NDUFAF6: variants seen among roughly 807,000 people sequenced by gnomAD.
NDUFAF6 encodes NADH:ubiquinone oxidoreductase complex assembly factor 6, also known as NADH dehydrogenase (ubiquinone) complex I, assembly factor 6.
NDUFAF6 carries 45 observed loss-of-function variants against 40.8 expected under a neutral mutation model. That is an observed-to-expected ratio of 1.10 (90% CI 0.87 to 1.42). NDUFAF6 has a LOEUF of 1.42. Ranked by LOEUF, NDUFAF6 falls within the 40% of genes most tolerant of loss-of-function variation. The pLI is 0.00. For missense variants in NDUFAF6, 435 were observed against 418.5 expected, an observed-to-expected ratio of 1.04 and a Z score of -0.34; for synonymous variants, 185 against 155.9, an observed-to-expected ratio of 1.19 and a Z score of -1.39.
chr8:94,912,681 C>T (rs77457596), intron 1 of NDUFAF6, among the ~76,000 whole-genome samples: 1 of 151,642 alleles, frequency 6.6e-6, no homozygotes, highest in Admixed American at 6.6e-5. Context: ...GGCGTGGTGG[C>T]GGGCACCTGT....
chr8:95,038,350 A>C (rs79218562), intron 3 of NDUFAF6, among the ~76,000 whole-genome samples: 109 of 152,154 alleles, frequency 7.2e-4, no homozygotes, highest in African/African-American at 2.6e-3. Flanking sequence ...ATCCTAACCA[A>C]AAAAATTTAG....
downstream of NDUFAF6, among the ~76,000 whole-genome samples, chr8:95,107,984 T>C (rs1305657172): frequency 6.6e-6 from 1 of 152,162 alleles, no homozygotes; most frequent in African/African-American, 2.4e-5. Flanking sequence ...ACCCAAATGA[T>C]CTTGGAAACA....
intron 1 of NDUFAF6, among the ~76,000 whole-genome samples, chr8:94,931,891 G>T (rs1189193130): frequency 6.6e-6 from 1 of 152,112 alleles, no homozygotes; most frequent in Non-Finnish European, 1.5e-5. Context: ...AGAATCACTT[G>T]AATCTGGGGG....
chr8:95,115,994 C>G (rs1254277249), intron 5 of NDUFAF6, among the ~76,000 whole-genome samples: 1 of 152,018 alleles, frequency 6.6e-6, no homozygotes, highest in Non-Finnish European at 1.5e-5. Context: ...ACAAATTAGC[C>G]GGGGGTGGTG....
At chr8:94,910,416 G>T (rs949162125) in intron 1 of NDUFAF6, among the ~76,000 whole-genome samples, 1 of 152,144 alleles carries the variant, frequency 6.6e-6, no homozygotes, top group African/African-American at 2.4e-5. Context: ...GCCTCCCAAA[G>T]TGCTGGGATT....
intron 2 of NDUFAF6, among the ~76,000 whole-genome samples, chr8:95,002,822 A>T (rs1166916383): frequency 1.3e-5 from 2 of 152,222 alleles, no homozygotes; most frequent in African/African-American, 4.8e-5. Flanking sequence ...ACAATTGACA[A>T]GTCCAGGAGG....
At chr8:95,033,888 A>C in intron 2 of NDUFAF6, 2 of 391,896 alleles carry the variant, frequency 5.1e-6, no homozygotes, top group Non-Finnish European at 1.0e-5. Context: ...AGTTAGGGGC[A>C]CCTGGGTCAG....
intron 1 of NDUFAF6, among the ~76,000 whole-genome samples, chr8:94,932,790 G>A (rs1261747188): frequency 3.9e-5 from 6 of 151,978 alleles, no homozygotes; most frequent in Admixed American, 6.6e-5. Flanking sequence ...GCGAAGGAGC[G>A]AGACTCCGTC....
At chr8:94,991,448 G>T (rs1265036737) in intron 2 of NDUFAF6, among the ~76,000 whole-genome samples, 2 of 152,156 alleles carry the variant, frequency 1.3e-5, no homozygotes, top group Non-Finnish European at 2.9e-5. Flanking sequence ...GTCTAAATTG[G>T]TAAACTGGGG....
chr8:94,994,276 C>T (rs558555535), intron 2 of NDUFAF6, among the ~76,000 whole-genome samples: 7 of 152,056 alleles, frequency 4.6e-5, no homozygotes, highest in Admixed American at 6.6e-5. Context: ...ATGGTCTGGG[C>T]GCGGTGGCTC....
intron 2 of NDUFAF6, chr8:94,988,552 C>T (rs1826048306): frequency 6.6e-6 from 1 of 151,562 alleles, no homozygotes; most frequent in Non-Finnish European, 1.5e-5. Flanking sequence ...TCTCAAATAA[C>T]AACAGCAAAC....
exon 2 of NDUFAF6, chr8:94,980,908 G>C (rs1259011101): frequency 4.4e-6 from 2 of 456,542 alleles, no homozygotes; most frequent in Non-Finnish European, 8.8e-6. Context: ...CTCTGCTCAA[G>C]AGGAACGGCA....
chr8:95,096,767 C>T (rs984972604), upstream of NDUFAF6, among the ~76,000 whole-genome samples: 2 of 152,162 alleles, frequency 1.3e-5, no homozygotes, highest in Non-Finnish European at 2.9e-5. Context: ...GCCCTTAGTC[C>T]ACACTGACTT....
At chr8:95,084,955 T>G (rs1808993145) in intron 2 of NDUFAF6, among the ~76,000 whole-genome samples, 1 of 152,222 alleles carries the variant, frequency 6.6e-6, no homozygotes, top group South Asian at 2.1e-4. Flanking sequence ...TAGATCTACC[T>G]GAAAATCTCT....
intron 1 of NDUFAF6, among the ~76,000 whole-genome samples, chr8:94,978,325 G>A (rs552470141): frequency 1.7e-4 from 26 of 152,274 alleles, no homozygotes; most frequent in African/African-American, 4.3e-4. Context: ...GAAGGATGGC[G>A]CACTCCAATT....
intron 1 of NDUFAF6, among the ~76,000 whole-genome samples, chr8:94,968,489 A>G (rs115154318): frequency 0.022 from 3,315 of 152,340 alleles, 52 homozygotes; most frequent in African/African-American, 0.039. Flanking sequence ...GTGGAAGAGC[A>G]TTCCAGCCAG....
chr8:95,069,196 A>G (rs1832772219), intron 9 of NDUFAF6: 1 of 151,960 alleles, frequency 6.6e-6, no homozygotes, highest in Non-Finnish European at 1.5e-5. Flanking sequence ...TGTATCCATG[A>G]ACAAGGTAAA....
chr8:94,973,536 G>A (rs1824651908), intron 1 of NDUFAF6, among the ~76,000 whole-genome samples: 1 of 152,040 alleles, frequency 6.6e-6, no homozygotes, highest in South Asian at 2.1e-4. Flanking sequence ...GTGAAACCCT[G>A]TCTCTACTAA....
intron 6 of NDUFAF6, among the ~76,000 whole-genome samples, 174 bp from the exon 7 acceptor site, chr8:95,048,283 C>T (rs1043272217): frequency 3.9e-5 from 6 of 152,122 alleles, no homozygotes; most frequent in African/African-American, 9.7e-5. Flanking sequence ...CACACACGCA[C>T]GTGCTCACAT....
Sources: allele counts gnomAD v4.1 joint callset (sites outside exome capture counted in the v4.1 genomes callset), GRCh38; gene constraint gnomAD v4.1.1; transcripts MANE v1.5; gene names NCBI Gene and HGNC (gene_info 2026-07-23, HGNC 2026-07-21).